The following AFAP1 variants were observed in gnomAD, a reference collection of about 807,000 sequenced individuals.
AFAP1 encodes the protein actin filament associated protein 1.
A neutral mutation model predicts 93.9 loss-of-function variants in AFAP1; 75 were observed. That is an observed-to-expected ratio of 0.80 (90% CI 0.66 to 0.97). The LOEUF (loss-of-function observed/expected upper bound fraction) is 0.97. Ranked by LOEUF, AFAP1 falls within the 50% of genes least tolerant of loss-of-function variation. AFAP1 has a pLI of 0.00. For synonymous variants in AFAP1, 517 were observed against 430.7 expected, an observed-to-expected ratio of 1.20 and a Z score of -2.48; for missense variants, 1,201 against 1,050.8, an observed-to-expected ratio of 1.14 and a Z score of -1.98.
chr4:7,936,213 G>C (rs1233930788), intron 1 of AFAP1, among the ~76,000 whole-genome samples: 1 of 152,122 alleles, frequency 6.6e-6, no homozygotes, highest in African/African-American at 2.4e-5. Flanking sequence ...AGAAAATTGT[G>C]TCTCCTTTCT....
chr4:7,899,730 G>A (rs2149215913), intron 1 of AFAP1, among the ~76,000 whole-genome samples: 1 of 152,266 alleles, frequency 6.6e-6, no homozygotes, highest in Middle Eastern at 3.4e-3. Flanking sequence ...AGGTTAGACA[G>A]CAGAAGAATA....
chr4:7,778,642 C>A (rs1029811653), intron 14 of AFAP1, 120 bp downstream of exon 14: 39 of 940,760 alleles, frequency 4.1e-5, no homozygotes, highest in Non-Finnish European at 5.6e-5. Context: ...TGACGGTGCC[C>A]ACCGCTCCAT....
intron 1 of AFAP1, among the ~76,000 whole-genome samples, chr4:7,904,268 G>A (rs906850325): frequency 4.0e-5 from 6 of 151,898 alleles, no homozygotes; most frequent in Admixed American, 2.6e-4. Context: ...TTCCCATAGC[G>A]TTTAAAGAAA....
chr4:7,769,650 G>C (rs2018200), intron 16 of AFAP1, among the ~76,000 whole-genome samples: 21 of 151,858 alleles, frequency 1.4e-4, no homozygotes, highest in Non-Finnish European at 2.8e-4. Context: ...TCTCTGGGGG[G>C]AAAAAAACGC....
chr4:7,770,314 T>C lies in AFAP1; in HGVS notation c.2254-1306A>G, dbSNP rs114338545. 3.8e-3 allele frequency among the ~76,000 whole-genome samples: 584 copies of C among 152,106 alleles called. 4 individuals carry two copies. The highest frequency in any genetic ancestry group is 0.013 in the African/African-American group (555 of 41,506). On this transcript the variant is annotated intron_variant, in intron 16 of 17. Transcript: ENST00000420658. The stretch of plus-strand genomic sequence containing the variant: ...GGGGTGGAAGAATGTGGAGCCACCA[T>C]AGAAGAGAGTGGGCAGCTGTGCCGA...
At chr4:7,870,524 G>C (rs981255883) in intron 2 of AFAP1, among the ~76,000 whole-genome samples, 1 of 152,170 alleles carries the variant, frequency 6.6e-6, no homozygotes, top group Non-Finnish European at 1.5e-5. Context: ...GTGTTGTGGT[G>C]TGCACAAATG....
At chr4:7,815,840 G>A (rs1200392780) in intron 8 of AFAP1, among the ~76,000 whole-genome samples, 178 bp downstream of exon 8, 3 of 152,160 alleles carry the variant, frequency 2.0e-5, no homozygotes, top group Non-Finnish European at 4.4e-5. Flanking sequence ...CAGGGTTGAT[G>A]TTAACCAAAG....
At chr4:7,914,555 C>T (rs146534252) in intron 1 of AFAP1, among the ~76,000 whole-genome samples, 3 of 152,186 alleles carry the variant, frequency 2.0e-5, no homozygotes, top group South Asian at 2.1e-4. Context: ...TGCTGGACAC[C>T]GAGGCTGATT....
chr4:7,772,929 C>T lies in AFAP1; in HGVS notation c.2144G>A (p.Ser715Asn). ...ECRQKEAERV[S>N]LELELTEVKE... ...GACCTCCGTCAGCTCCAGCTCCAGG[C>T]TGACACGCTCCGCCTCCTTCTGCCG... is the stretch of plus-strand genomic sequence containing the variant. Residue 715 changes from serine to asparagine, a missense_variant, in exon 16 of 18, where the codon AGC (serine) becomes AAC (asparagine). Physicochemically the swap from Ser to Asn is conservative, Grantham distance 46. Coordinates refer to ENST00000420658, the MANE Select transcript of AFAP1 (RefSeq NM_001134647.2). 2 of 1,614,046 alleles carry T rather than the reference C, an allele frequency of 1.2e-6. No homozygotes were observed. The highest frequency in any genetic ancestry group is 1.7e-6 in the Non-Finnish European group (2 of 1,180,050).
rs779413112 is a variant in AFAP1 at position 7,819,138 on chromosome 4, G to A, written c.760C>T (p.Pro254Ser). Residue 254 changes from proline (P) to serine (S), a missense_variant, in exon 7 of 18, where the codon CCC becomes TCC. Physicochemically the swap from Pro to Ser is moderately conservative, Grantham distance 74. Transcript: ENST00000420658. ...GGAGGAGGACACTCTGAATCCACGGGGCCACTACAACCACTGTAGGCTTCT... is the reference window on the plus strand; with the variant it reads ...GGAGGAGGACACTCTGAATCCACGGAGCCACTACAACCACTGTAGGCTTCT... ...IKEAYSGCSG[P>S]VDSECPPPPS... is the part of the protein sequence containing the mutation. The A allele has an allele frequency of 1.9e-6, 3 of 1,613,548 alleles. No individual in the cohort carries two copies. In the Middle Eastern group the frequency reaches 5.0e-4, roughly 267 times the overall value.
Position 7,939,842 on chromosome 4 carries a change from G to T in AFAP1, c.-189C>A. 1.8e-5 allele frequency: 5 copies of T among 276,790 alleles called. No homozygotes were observed. Among genetic ancestry groups the T allele is most frequent in the South Asian group, 1.5e-4 (5 of 34,066 alleles). The allele number at this position is 276,790 out of a possible 1,614,324, so 17.1% of individuals were successfully genotyped here. On this transcript the variant is annotated 5_prime_UTR_variant, in exon 1 of 18. Transcript: ENST00000420658. The surrounding 1 kb of genome is among the most constrained non-coding windows in gnomAD (Gnocchi z 5.6). The stretch of plus-strand genomic sequence containing the variant: ...GGCTCGCGGAGCTGCAGCCGGCGTG[G>T]GGCTGCGGCCGGGACAGACACCACG...
intron 12 of AFAP1, among the ~76,000 whole-genome samples, chr4:7,785,379 T>A (rs770368490): frequency 1.3e-5 from 2 of 152,068 alleles, no homozygotes; most frequent in Non-Finnish European, 2.9e-5. Context: ...TAGATGGATA[T>A]ACAGATAGCG....
chr4:7,811,015 A>G lies in AFAP1; in HGVS notation c.905-1252T>C, dbSNP rs577620845. ...TGTGAGACAGCACCAGAACCGAGTG[A>G]CAAGATCCTTTGGGCCAGAGAGCGA... is the stretch of plus-strand genomic sequence containing the variant. On this transcript the variant is annotated intron_variant, in intron 8 of 17. Coordinates refer to ENST00000420658, the MANE Select transcript of AFAP1 (RefSeq NM_001134647.2). 7.2e-5 allele frequency among the ~76,000 whole-genome samples: 11 copies of G among 152,332 alleles called. No homozygotes were observed. The East Asian group carries it at 2.1e-3, about 29-fold the overall frequency.
chr4:7,848,168 AGGGAGGGAGGGAGGG>A (rs1560197150), intron 4 of AFAP1, among the ~76,000 whole-genome samples: 30 of 19,514 alleles, frequency 1.5e-3, no homozygotes, highest in African/African-American at 2.5e-3. Context: ...GGTAAGTGGG[AGGGAGGGAGGGAGGG>A]AGGAAGGAAG....
chr4:7,927,071 T>C (rs1356935170), intron 1 of AFAP1, among the ~76,000 whole-genome samples: 1 of 152,200 alleles, frequency 6.6e-6, no homozygotes, highest in Admixed American at 6.5e-5. Flanking sequence ...ACCTTCCAAG[T>C]AGCTAAATCA....
chr4:7,884,994 G>C (rs1201784755), intron 1 of AFAP1, among the ~76,000 whole-genome samples: 1 of 152,176 alleles, frequency 6.6e-6, no homozygotes, highest in Non-Finnish European at 1.5e-5. Context: ...GAGAGGCTGG[G>C]TCAATGGTTA....
intron 1 of AFAP1, among the ~76,000 whole-genome samples, chr4:7,905,378 A>G (rs1719342740): frequency 6.6e-6 from 1 of 152,244 alleles, no homozygotes; most frequent in East Asian, 1.9e-4. Context: ...TGTGACTTTT[A>G]TAGAAAAATC....
chr4:7,787,753 G>C (rs1717441306), intron 11 of AFAP1, among the ~76,000 whole-genome samples: 1 of 152,182 alleles, frequency 6.6e-6, no homozygotes, highest in Non-Finnish European at 1.5e-5. Flanking sequence ...ACCCCCAGGG[G>C]CTTCTGAAGT....
intron 1 of AFAP1, among the ~76,000 whole-genome samples, chr4:7,923,478 TCTC>T (rs1317882910): frequency 6.6e-6 from 1 of 152,084 alleles, no homozygotes; most frequent in African/African-American, 2.4e-5. Context: ...CTCTCTGCTT[TCTC>T]CTCTTCTTTT....
Sources: allele counts gnomAD v4.1 joint callset (sites outside exome capture counted in the v4.1 genomes callset), GRCh38; gene constraint gnomAD v4.1.1; non-coding constraint Gnocchi (gnomAD v3.1); transcripts MANE v1.5; gene names NCBI Gene and HGNC (gene_info 2026-07-23, HGNC 2026-07-21).